FOCAD: variants seen among roughly 807,000 people sequenced by gnomAD.
FOCAD encodes the protein KIAA1797.
A neutral mutation model predicts 225.6 loss-of-function variants in FOCAD; 198 were observed. The observed-to-expected ratio is 0.88, with a 90% CI of 0.78 to 0.99. The LOEUF is 0.99. FOCAD is among the 50% of genes least tolerant of loss of function. FOCAD has a pLI of 0.00. For synonymous variants in FOCAD, 897 were observed against 755.0 expected (o/e 1.19, Z -3.08); for missense variants, 2,713 against 2,123.6 (o/e 1.28, Z -5.46).
At chr9:20,853,073 T>C (rs574213131) in intron 15 of FOCAD, among the ~76,000 whole-genome samples, 1 of 151,880 alleles carries the variant, frequency 6.6e-6, no homozygotes, top group African/African-American at 2.4e-5. Context: ...ATATTCTTCC[T>C]ATGAATTTGC....
chr9:20,795,333 C>T (rs17686052), intron 11 of FOCAD, among the ~76,000 whole-genome samples: 30,021 of 152,116 alleles, frequency 0.2, 3,167 homozygotes, highest in South Asian at 0.32. Flanking sequence ...TTCAGGTATT[C>T]CTGTTACCAC....
At chr9:20,858,062 TATA>T in intron 15 of FOCAD, among the ~76,000 whole-genome samples, 1 of 145,296 alleles carries the variant, frequency 6.9e-6, no homozygotes, top group African/African-American at 2.5e-5. Context: ...TTTTTTTTGT[TATA>T]TCTTTGTCTG....
rs1045467686 is a variant in FOCAD at position 20,888,714 on chromosome 9, C to T, written c.2625+3484C>T. On this transcript the variant is annotated intron_variant, in intron 21 of 43. Transcript: ENST00000338382. The stretch of plus-strand genomic sequence containing the variant: ...GTGGGAGGTGACTGAATTATGGGGG[C>T]GGGTCTTTCCTGCACTGTTCTCATG... Among the ~76,000 whole-genome samples, 12 of 151,984 alleles carry T rather than the reference C, an allele frequency of 7.9e-5. 1 individual carries two copies. The highest frequency in any genetic ancestry group is 1.5e-4 in the African/African-American group (6 of 41,344).
intron 5 of FOCAD, 74 bp from the exon 6 acceptor site, chr9:20,758,016 T>C (rs1233468286): frequency 1.6e-5 from 15 of 918,788 alleles, no homozygotes; most frequent in Non-Finnish European, 2.3e-5. Context: ...CTGGCTTCTT[T>C]GCTGCTATAT....
chr9:20,986,351 G>A lies in FOCAD; in HGVS notation c.4792G>A (p.Val1598Met), dbSNP rs748042165. The A allele has an allele frequency of 1.2e-5, 19 of 1,564,420 alleles. No individual in the cohort carries two copies. In the South Asian group the frequency reaches 1.8e-4, roughly 15 times the overall value. The part of the protein sequence containing the change: ...YLVSQGRFPL[V>M]NLTDMLSVAV... ...AGTCTCTCAAGGACGATTCCCCTTG[G>A]TGAACCTGACCGATATGCTGAGCGT... The change falls in exon 40 of 44, where the codon GTG becomes ATG. Residue 1598 changes from valine to methionine, a missense_variant. By Grantham distance (21) the Val-to-Met change is conservative (BLOSUM62 1). Transcript: ENST00000338382.
At chr9:20,781,322 G>A (rs192395058) in intron 9 of FOCAD, among the ~76,000 whole-genome samples, 1 of 152,266 alleles carries the variant, frequency 6.6e-6, no homozygotes, top group Non-Finnish European at 1.5e-5. Context: ...TTAAGCATCT[G>A]CTAATAGGAT....
chr9:20,764,602 C>T (rs1829899324), intron 6 of FOCAD, among the ~76,000 whole-genome samples: 1 of 152,196 alleles, frequency 6.6e-6, no homozygotes. Context: ...GATGTAGTTG[C>T]TATTCTAATG....
intron 4 of FOCAD, 140 bp from the exon 5 acceptor site, chr9:20,740,096 A>G: frequency 3.6e-6 from 2 of 562,992 alleles, no homozygotes; most frequent in Non-Finnish European, 6.4e-6. Context: ...TGTACTATAG[A>G]ATGAGTTGAG....
intron 3 of FOCAD, among the ~76,000 whole-genome samples, chr9:20,718,976 C>T (rs1179486209): frequency 6.6e-6 from 1 of 152,150 alleles, no homozygotes; most frequent in Admixed American, 6.5e-5. Flanking sequence ...ATATTTCCTT[C>T]CTGTAGTGAT....
chr9:20,858,144 T>C (rs1340970806), intron 15 of FOCAD, among the ~76,000 whole-genome samples: 6 of 152,116 alleles, frequency 3.9e-5, no homozygotes, highest in African/African-American at 1.4e-4. Flanking sequence ...TTCTATTTTT[T>C]GGAATAATTT....
chr9:20,865,821 T>G lies in FOCAD; in HGVS notation c.2056-105T>G, dbSNP rs980665038. The G allele has an allele frequency of 5.7e-6, 4 of 700,198 alleles. No individual in the cohort carries two copies. In the South Asian group the frequency reaches 8.3e-5, roughly 15 times the overall value. 43.4% of individuals were successfully genotyped at this position (700,198 alleles called of 1,614,324 possible). On this transcript the variant is annotated intron_variant, in intron 16 of 43. Coordinates refer to ENST00000338382, the MANE Select transcript of FOCAD (RefSeq NM_001375567.1). ...CACATTAAGTGAATTTCTGGTGGTG[T>G]TACTTTAAAAGTGACTTAATTTTCA...
At chr9:20,661,148 T>C (rs1821705976) in intron 2 of FOCAD, among the ~76,000 whole-genome samples, 1 of 152,228 alleles carries the variant, frequency 6.6e-6, no homozygotes, top group African/African-American at 2.4e-5. Context: ...GCATTCACTC[T>C]GATGTTCTTG....
At chr9:20,983,929 T>G (rs1840932960) in intron 39 of FOCAD, among the ~76,000 whole-genome samples, 1 of 152,218 alleles carries the variant, frequency 6.6e-6, no homozygotes, top group South Asian at 2.1e-4. Context: ...TATCCTATTA[T>G]TACATTCATG....
intron 15 of FOCAD, among the ~76,000 whole-genome samples, chr9:20,827,579 A>T (rs1440683291): frequency 6.6e-6 from 1 of 151,976 alleles, no homozygotes; most frequent in African/African-American, 2.4e-5. Flanking sequence ...AGATCCTGCC[A>T]TTTGGGACAG....
At chr9:20,926,976 A>G (rs982794934) in intron 26 of FOCAD, among the ~76,000 whole-genome samples, 1 of 149,658 alleles carries the variant, frequency 6.7e-6, no homozygotes, top group Non-Finnish European at 1.5e-5. Flanking sequence ...AATGTTATAT[A>G]TGTACGTACA....
At chr9:20,873,475 C>T (rs970454180) in intron 18 of FOCAD, among the ~76,000 whole-genome samples, 2 of 152,164 alleles carry the variant, frequency 1.3e-5, no homozygotes, top group Admixed American at 6.5e-5. Context: ...TTTCGACAGA[C>T]GCTTTCATAC....
At chr9:20,838,879 T>G (rs1230014271) in intron 15 of FOCAD, among the ~76,000 whole-genome samples, 1 of 152,146 alleles carries the variant, frequency 6.6e-6, no homozygotes, top group Non-Finnish European at 1.5e-5. Flanking sequence ...TATTAGAGTA[T>G]TTCTTATTTA....
In FOCAD at chr9:20,939,166, AAG is replaced by A. The variant is rs1491159827; in HGVS notation, c.3408-5458_3408-5457del. Among the ~76,000 whole-genome samples, 6 of 150,700 alleles carry A rather than the reference AAG, an allele frequency of 4.0e-5. No homozygotes were observed. In the East Asian group the frequency reaches 1.2e-3, roughly 29 times the overall value. On this transcript the variant is annotated intron_variant, in intron 28 of 43. Transcript: ENST00000338382. The stretch of plus-strand genomic sequence containing the variant: ...CTCTCTTCTCAAAAAAAAAAAAAAA[AAG>A]AGTGTGGTTTGAATATGAGTAAAGA...
rs534519198 is a variant in FOCAD, at chr9:20,695,274, A to G, written c.-33+10981A>G. Among the ~76,000 whole-genome samples the G allele has an allele frequency of 2.2e-3, 339 of 152,260 alleles. 1 individual carries two copies. Among genetic ancestry groups the G allele is most frequent in the African/African-American group, 7.7e-3 (319 of 41,550 alleles). ...CACCCATGAGGATACAATGTGTGGT[A>G]TTCTTACTTTTAGTGATGCTAAGAT... On this transcript the variant is annotated intron_variant, in intron 1 of 43. Transcript: ENST00000338382.
Sources: gnomAD v4.1 joint callset for allele counts (sites outside exome capture counted in the v4.1 genomes callset) on GRCh38, gnomAD v4.1.1 for gene constraint, MANE v1.5 for transcripts, NCBI Gene and HGNC (gene_info 2026-07-23, HGNC 2026-07-21) for gene names.